The following FCRL2 variants were observed in gnomAD, a reference collection of about 807,000 sequenced individuals.
FCRL2 encodes the protein Fc receptor-like protein 2.
Under a neutral mutation model 59.8 loss-of-function variants are expected in FCRL2, and 48 were observed. The observed-to-expected ratio is 0.80, with a 90% confidence interval of 0.64 to 1.02. FCRL2 has a LOEUF of 1.02. Among genes scored for constraint, FCRL2 ranks in the 50% least tolerant of loss-of-function variants. FCRL2 has a pLI of 0.00. For synonymous variants in FCRL2, 251 were observed against 229.5 expected (o/e 1.09, Z -0.85); for missense variants, 658 against 597.3 (o/e 1.10, Z -1.06).
intron 2 of FCRL2, among the ~76,000 whole-genome samples, chr1:157,770,954 G>A (rs1649976299): frequency 1.3e-5 from 2 of 152,146 alleles, no homozygotes; most frequent in Admixed American, 6.5e-5. Context: ...GCATTGTCAG[G>A]TTGTGATGAC....
At chr1:157,760,739 G>GAAAGAAAGAAAGAAAGAAAGAAAGAAAT (rs1557860552) in intron 7 of FCRL2, among the ~76,000 whole-genome samples, 1 of 143,302 alleles carries the variant, frequency 7.0e-6, no homozygotes, top group African/African-American at 2.6e-5. Flanking sequence ...AAGAAAGAAA[G>GAAAGAAAGAAAGAAAGAAAGAAAGAAAT]AAAGAAAGAA....
At chr1:157,765,809 C>A (rs1649447354) in intron 7 of FCRL2, among the ~76,000 whole-genome samples, 1 of 152,176 alleles carries the variant, frequency 6.6e-6, no homozygotes, top group Non-Finnish European at 1.5e-5. Flanking sequence ...AGCACCAGGA[C>A]ATAATAAAAT....
At chr1:157,768,892 T>C (rs1425719523) in intron 4 of FCRL2, 191 bp from the exon 5 acceptor site, 2 of 599,824 alleles carry the variant, frequency 3.3e-6, no homozygotes, top group Non-Finnish European at 5.6e-6. Flanking sequence ...CATTTGAATG[T>C]CCTAACCCTG....
chr1:157,770,247 C>G (rs1649896577), intron 3 of FCRL2, 97 bp from the exon 4 acceptor site: 1 of 1,474,174 alleles, frequency 6.8e-7, no homozygotes. Flanking sequence ...ACAGGACATT[C>G]AGAGCTAGAC....
intron 7 of FCRL2, among the ~76,000 whole-genome samples, chr1:157,753,370 A>G (rs1217761401): frequency 1.3e-5 from 2 of 152,044 alleles, no homozygotes; most frequent in Non-Finnish European, 2.9e-5. Context: ...GATTCCCAGG[A>G]CTCTTTCCTC....
chr1:157,768,301 T>C (rs1178644841), intron 5 of FCRL2, 113 bp downstream of exon 5: 1 of 1,107,958 alleles, frequency 9.0e-7, no homozygotes, highest in Non-Finnish European at 1.3e-6. Flanking sequence ...CAAATTGCTT[T>C]TGGTTCTCCA....
At chr1:157,752,710 TA>T (rs1260786300) in intron 7 of FCRL2, among the ~76,000 whole-genome samples, 3 of 152,138 alleles carry the variant, frequency 2.0e-5, no homozygotes, top group Admixed American at 6.5e-5. Flanking sequence ...ATCTCAGGAG[TA>T]AACTTAGCAA....
At chr1:157,748,648 G>GT (rs1557851627) in intron 9 of FCRL2, 30 bp from the exon 10 acceptor site, 1 of 1,598,670 alleles carries the variant, frequency 6.3e-7, no homozygotes, top group Non-Finnish European at 8.6e-7. Context: ...GTTCACAGAT[G>GT]TTGGTGGCCC....
chr1:157,750,240 A>G (rs1233667839), intron 7 of FCRL2, among the ~76,000 whole-genome samples: 2 of 152,246 alleles, frequency 1.3e-5, no homozygotes, highest in East Asian at 1.9e-4. Flanking sequence ...GCATAGATGT[A>G]TCAGCTGTGT....
chr1:157,762,816 C>T (rs561245274), intron 7 of FCRL2, among the ~76,000 whole-genome samples: 2 of 152,248 alleles, frequency 1.3e-5, no homozygotes, highest in South Asian at 2.1e-4. Flanking sequence ...AAATAAAGTG[C>T]CAGTGAAGGA....
rs543785670 is a variant in FCRL2 at position 157,774,134 on chromosome 1, CA to C, written c.52+1640del. Reference sequence around the variant, plus strand: ...AATGGTATTCAAAGCTTTGCAAGGGCAAAGTCCCAGGTGGTGAGTGCAGTGT... The same window carrying C: ...AATGGTATTCAAAGCTTTGCAAGGGCAAGTCCCAGGTGGTGAGTGCAGTGT... On this transcript the variant is annotated intron_variant, in intron 2 of 11. Coordinates refer to ENST00000361516, the MANE Select transcript of FCRL2 (RefSeq NM_030764.4). 1.8e-3 allele frequency among the ~76,000 whole-genome samples: 273 copies of C among 152,344 alleles called. 1 individual carries two copies. Among genetic ancestry groups the C allele is most frequent in the African/African-American group, 6.3e-3 (263 of 41,576 alleles).
At chr1:157,769,572 C>T (rs975425454) in intron 4 of FCRL2, 7 of 255,100 alleles carry the variant, frequency 2.7e-5, no homozygotes, top group Middle Eastern at 3.1e-3. Context: ...GGACTACAGG[C>T]GCCCCCCACC....
intron 9 of FCRL2, 37 bp downstream of exon 9, chr1:157,748,838 A>G: frequency 6.3e-7 from 1 of 1,590,860 alleles, no homozygotes; most frequent in Non-Finnish European, 8.6e-7. Context: ...TTCTTTTCTG[A>G]CTCAGCCTCA....
At chr1:157,747,665 A>G (rs1647853623) in intron 10 of FCRL2, among the ~76,000 whole-genome samples, 1 of 152,240 alleles carries the variant, frequency 6.6e-6, no homozygotes, top group African/African-American at 2.4e-5. Flanking sequence ...GGAGTACAGA[A>G]CAAAGGACAG....
At chr1:157,760,838 A>G (rs533076213) in intron 7 of FCRL2, among the ~76,000 whole-genome samples, 1 of 151,888 alleles carries the variant, frequency 6.6e-6, no homozygotes, top group South Asian at 2.1e-4. Context: ...AGGGCTGCCT[A>G]TTTGGTATCA....
chr1:157,773,157 A>ATC (rs1254384090), intron 2 of FCRL2, among the ~76,000 whole-genome samples: 2 of 152,118 alleles, frequency 1.3e-5, no homozygotes, highest in African/African-American at 4.8e-5. Flanking sequence ...TTTCTACCAG[A>ATC]TCTCTCTCTT....
chr1:157,760,698 G>GGAAAGAAGGAAATAAA (rs1648978963), intron 7 of FCRL2, among the ~76,000 whole-genome samples: 13 of 97,206 alleles, frequency 1.3e-4, no homozygotes, highest in African/African-American at 6.1e-4. Flanking sequence ...AAAGAAAGAA[G>GGAAAGAAGGAAATAAA]GAAAGAAAGA....
intron 2 of FCRL2, among the ~76,000 whole-genome samples, chr1:157,774,911 T>C (rs1650293310): frequency 6.6e-6 from 1 of 152,166 alleles, no homozygotes; most frequent in Non-Finnish European, 1.5e-5. Flanking sequence ...GGAACAAGTC[T>C]CCCTTTCTTT....
chr1:157,770,586 T>C lies in FCRL2; in HGVS notation c.133A>G (p.Lys45Glu). 6.2e-7 allele frequency: 1 copy of C among 1,614,192 alleles called. No homozygotes were observed. The highest frequency in any genetic ancestry group is 8.5e-7 in the Non-Finnish European group (1 of 1,180,014). Residue 45 changes from lysine to glutamate, a missense_variant, in exon 3 of 12, where the codon AAA becomes GAA. Coordinates refer to ENST00000361516, the MANE Select transcript of FCRL2 (RefSeq NM_030764.4). ...VLKCQGEQNW[K>E]IQKMAYHKDN... Reference sequence around the variant, plus strand: ...TTATGGTAAGCCATCTTCTGAATTTTCCAGTTCTGTTCTCCCTGGCATTTC... The same window carrying C: ...TTATGGTAAGCCATCTTCTGAATTTCCCAGTTCTGTTCTCCCTGGCATTTC...
Sources: allele counts gnomAD v4.1 joint callset (sites outside exome capture counted in the v4.1 genomes callset), GRCh38; gene constraint gnomAD v4.1.1; transcripts MANE v1.5; gene names NCBI Gene and HGNC (gene_info 2026-07-23, HGNC 2026-07-21).